RBFOX1: variants seen among roughly 807,000 people sequenced by gnomAD.
RBFOX1 encodes the protein RNA binding protein fox-1 homolog 1.
A neutral mutation model predicts 57.7 loss-of-function variants in RBFOX1; 8 were observed. The observed-to-expected ratio is 0.14, with a 90% CI of 0.08 to 0.25. The LOEUF is 0.25. Ranked by LOEUF, RBFOX1 falls within the 10% of genes least tolerant of loss-of-function variation. The pLI is 1.00. For missense variants in RBFOX1, 611 were observed against 548.5 expected, an observed-to-expected ratio of 1.11 and a Z score of -1.14; for synonymous variants, 326 against 222.4, an observed-to-expected ratio of 1.47 and a Z score of -4.15.
chr16:7,178,052 TACAGATGC>T (rs2082012939), intron 4 of RBFOX1, among the ~76,000 whole-genome samples: 2 of 152,352 alleles, frequency 1.3e-5, no homozygotes, highest in South Asian at 4.1e-4. Flanking sequence ...TGTACTGTTG[TACAGATGC>T]AGAAAGTCAG....
chr16:6,959,768 T>C (rs1342597898), intron 3 of RBFOX1, among the ~76,000 whole-genome samples: 1 of 152,006 alleles, frequency 6.6e-6, no homozygotes, highest in Non-Finnish European at 1.5e-5. Flanking sequence ...GAAACCCCGT[T>C]TCTACCAAAA....
At chr16:7,673,446 C>T (rs1018695216) in intron 13 of RBFOX1, among the ~76,000 whole-genome samples, 3 of 152,308 alleles carry the variant, frequency 2.0e-5, no homozygotes, top group Non-Finnish European at 4.4e-5. Context: ...GTGGCTTACA[C>T]CTGTAATCCC....
chr16:7,236,839 C>G (rs992905084), intron 4 of RBFOX1, among the ~76,000 whole-genome samples: 6 of 152,166 alleles, frequency 3.9e-5, no homozygotes, highest in Non-Finnish European at 7.3e-5. Flanking sequence ...TCAGCAAAGA[C>G]TAGGTTCACT....
chr16:6,802,003 G>A (rs1434522968), intron 3 of RBFOX1, among the ~76,000 whole-genome samples: 1 of 152,084 alleles, frequency 6.6e-6, no homozygotes, highest in Non-Finnish European at 1.5e-5. Flanking sequence ...TAATCATGGA[G>A]GTTGGGGGAG....
At chr16:5,872,587 A>T (rs981468920) in intron 4 of RBFOX1, among the ~76,000 whole-genome samples, 2 of 151,760 alleles carry the variant, frequency 1.3e-5, no homozygotes, top group African/African-American at 4.8e-5. Flanking sequence ...GAAAAAAAAA[A>T]TTGGCAGGTG....
rs541810034 is a variant in RBFOX1 at position 6,721,370 on chromosome 16, G to C, written c.-16+66720G>C. On this transcript the variant is annotated intron_variant, in intron 3 of 15. Coordinates refer to ENST00000550418, the MANE Select transcript of RBFOX1 (RefSeq NM_018723.4). Reference sequence around the variant, plus strand: ...AGGCAAGGGAATCACTTGAACCCGGGAGGCGGAGGTTACAGTGAGCCGAGA... The same window carrying C: ...AGGCAAGGGAATCACTTGAACCCGGCAGGCGGAGGTTACAGTGAGCCGAGA... Among the ~76,000 whole-genome samples, 11 of 152,290 alleles carry C rather than the reference G, an allele frequency of 7.2e-5. No homozygotes were observed. The South Asian group carries it at 2.3e-3, about 32-fold the overall frequency.
intron 3 of RBFOX1, among the ~76,000 whole-genome samples, chr16:6,899,623 C>G (rs1280461354): frequency 6.6e-6 from 1 of 152,182 alleles, no homozygotes; most frequent in Non-Finnish European, 1.5e-5. Context: ...TTAGTTTTCT[C>G]ATCTTTGAAA....
intron 1 of RBFOX1, among the ~76,000 whole-genome samples, chr16:6,156,649 G>C (rs2096840521): frequency 6.6e-6 from 1 of 152,104 alleles, no homozygotes; most frequent in Non-Finnish European, 1.5e-5. Context: ...GGGGATCCAA[G>C]AGGACTTCCC....
chr16:7,209,624 T>C (rs991712574), intron 4 of RBFOX1, among the ~76,000 whole-genome samples: 5 of 152,212 alleles, frequency 3.3e-5, no homozygotes, highest in Non-Finnish European at 7.3e-5. Flanking sequence ...GTAACCACTC[T>C]ATTAAATTTT....
chr16:6,366,048 T>G (rs1184455957), intron 2 of RBFOX1, among the ~76,000 whole-genome samples: 1 of 151,744 alleles, frequency 6.6e-6, no homozygotes, highest in Admixed American at 6.6e-5. Context: ...CTTGCCTGAC[T>G]TTCATATGGT....
At chr16:5,691,934 C>T (rs2050692623) in intron 3 of RBFOX1, among the ~76,000 whole-genome samples, 1 of 152,134 alleles carries the variant, frequency 6.6e-6, no homozygotes, top group Non-Finnish European at 1.5e-5. Context: ...ACTTTGTGGT[C>T]ATCTTGCTGT....
intron 3 of RBFOX1, among the ~76,000 whole-genome samples, chr16:6,950,994 C>A (rs1006669523): frequency 6.6e-6 from 1 of 151,972 alleles, no homozygotes; most frequent in South Asian, 2.1e-4. Flanking sequence ...CAGCCTCAAA[C>A]TTCTAGGCTC....
intron 2 of RBFOX1, among the ~76,000 whole-genome samples, chr16:6,586,191 T>C (rs908665133): frequency 1.3e-5 from 2 of 152,192 alleles, no homozygotes; most frequent in African/African-American, 4.8e-5. Context: ...TGTTTGTGCA[T>C]TCAGACTACA....
chr16:7,224,634 A>C (rs547748382), intron 4 of RBFOX1, among the ~76,000 whole-genome samples: 5 of 152,166 alleles, frequency 3.3e-5, no homozygotes, highest in Non-Finnish European at 5.9e-5. Flanking sequence ...AATGTCTCCA[A>C]ATGGAAATGT....
At chr16:7,246,659 T>G (rs747092640) in intron 4 of RBFOX1, among the ~76,000 whole-genome samples, 272 of 133,310 alleles carry the variant, frequency 2.0e-3, no homozygotes, top group Non-Finnish European at 3.3e-3. Context: ...TTTTTTTTAC[T>G]GAGTTTGAAT....
intron 2 of RBFOX1, among the ~76,000 whole-genome samples, chr16:6,335,776 C>CAAAAAAAAAAAAAAAAAAAAAAAAAAAA (rs57151962): frequency 2.0e-5 from 1 of 50,950 alleles, no homozygotes; most frequent in East Asian, 5.9e-4. Context: ...AGACTGTCTC[C>CAAAAAAAAAAAAAAAAAAAAAAAAAAAA]AAAAAAAAAA....
intron 2 of RBFOX1, among the ~76,000 whole-genome samples, chr16:5,495,742 C>G (rs1393167995): frequency 6.6e-6 from 1 of 152,230 alleles, no homozygotes; most frequent in African/African-American, 2.4e-5. Flanking sequence ...ATACCCATAT[C>G]TGGTATTAAT....
chr16:7,374,668 ATCT>A (rs903882533), intron 4 of RBFOX1, among the ~76,000 whole-genome samples: 48 of 152,282 alleles, frequency 3.2e-4, no homozygotes, highest in African/African-American at 1.1e-3. Flanking sequence ...AATGACAGAA[ATCT>A]TCTAGAAATA....
chr16:6,520,898 T>C (rs2153801290), intron 2 of RBFOX1, among the ~76,000 whole-genome samples: 1 of 151,984 alleles, frequency 6.6e-6, no homozygotes, highest in Non-Finnish European at 1.5e-5. Flanking sequence ...GAGAAAAAAA[T>C]CCAATAAAAT....
Sources: allele counts gnomAD v4.1 joint callset (sites outside exome capture counted in the v4.1 genomes callset), GRCh38; gene constraint gnomAD v4.1.1; transcripts MANE v1.5; gene names NCBI Gene and HGNC (gene_info 2026-07-23, HGNC 2026-07-21).